KSR2: variants seen among roughly 807,000 people sequenced by gnomAD.
KSR2 encodes kinase suppressor of ras 2.
KSR2 carries 25 observed loss-of-function variants against 107.8 expected under a neutral mutation model. That is an observed-to-expected ratio of 0.23 (90% confidence interval 0.17 to 0.32). The LOEUF is 0.32. Among genes scored for constraint, KSR2 ranks in the 10% least tolerant of loss-of-function variants. KSR2 has a pLI of 1.00. For synonymous variants in KSR2, 480 were observed against 507.0 expected, an observed-to-expected ratio of 0.95 and a Z score of 0.71; for missense variants, 887 against 1,268.9, an observed-to-expected ratio of 0.70 and a Z score of 4.57.
chr12:117,519,136 G>A (rs1205810321), intron 14 of KSR2, among the ~76,000 whole-genome samples: 2 of 152,248 alleles, frequency 1.3e-5, no homozygotes, highest in Non-Finnish European at 2.9e-5. Context: ...TTAGTGGAAT[G>A]TGCTAGCACT....
At chr12:117,490,766 A>G (rs920057840) in intron 14 of KSR2, among the ~76,000 whole-genome samples, 2 of 152,204 alleles carry the variant, frequency 1.3e-5, no homozygotes, top group Non-Finnish European at 2.9e-5. Flanking sequence ...CTCATTTTAT[A>G]GATGACAAAA....
chr12:117,789,221 G>T (rs1346662183), intron 3 of KSR2, among the ~76,000 whole-genome samples: 1 of 152,194 alleles, frequency 6.6e-6, no homozygotes, highest in Non-Finnish European at 1.5e-5. Flanking sequence ...CCGTAAAATG[G>T]TAGGTGGATG....
Position 117,485,630 on chromosome 12 carries a change from T to TGACATCCAAAACGATTTTGGC in KSR2, c.2260_2280dup (p.Ala754_Val760dup). On this transcript the variant is annotated inframe_insertion, in exon 15 of 20. Coordinates refer to ENST00000339824, the MANE Select transcript of KSR2 (RefSeq NM_173598.6). ...TCTTGAGCAATCTGCCTGGTTTTGT[T>TGACATCCAAAACGATTTTGGC]GACATCCAAAACGATTTTGGCATCC... 6.2e-7 allele frequency: 1 copy of TGACATCCAAAACGATTTTGGC among 1,613,656 alleles called. No individual in the cohort carries two copies. Among genetic ancestry groups the TGACATCCAAAACGATTTTGGC allele is most frequent in the Non-Finnish European group, 8.5e-7 (1 of 1,179,634 alleles).
intron 3 of KSR2, among the ~76,000 whole-genome samples, chr12:117,764,822 G>C (rs1196257510): frequency 6.6e-6 from 1 of 152,064 alleles, no homozygotes; most frequent in East Asian, 1.9e-4. Flanking sequence ...TGTGCAATGG[G>C]ACAATAAGAA....
At chr12:117,489,320 C>T (rs1377851438) in intron 14 of KSR2, among the ~76,000 whole-genome samples, 1 of 151,876 alleles carries the variant, frequency 6.6e-6, no homozygotes, top group Non-Finnish European at 1.5e-5. Context: ...GTACGTTATC[C>T]TTCCAAAAAA....
At chr12:117,866,605 G>A (rs888488071) in intron 1 of KSR2, among the ~76,000 whole-genome samples, 1 of 152,160 alleles carries the variant, frequency 6.6e-6, no homozygotes, top group Non-Finnish European at 1.5e-5. Context: ...CGAGGCTGGT[G>A]GACCACCTGA....
At chr12:117,960,749 C>G (rs1896637154) in intron 1 of KSR2, among the ~76,000 whole-genome samples, 1 of 151,460 alleles carries the variant, frequency 6.6e-6, no homozygotes, top group African/African-American at 2.4e-5. Flanking sequence ...GACAGCTTAT[C>G]ATTAGCTGTG....
chr12:117,618,620 G>A (rs1479776241), intron 5 of KSR2, among the ~76,000 whole-genome samples: 1 of 152,008 alleles, frequency 6.6e-6, no homozygotes, highest in African/African-American at 2.4e-5. Flanking sequence ...CATGGGGTTG[G>A]CTTCCCCCAT....
At chr12:117,735,863 A>G (rs1270872913) in intron 4 of KSR2, among the ~76,000 whole-genome samples, 2 of 152,314 alleles carry the variant, frequency 1.3e-5, no homozygotes, top group East Asian at 3.9e-4. Context: ...CCATTAAGAG[A>G]AAAACTATTT....
At position 117,762,496 on chromosome 12, in the gene KSR2, C is replaced by T. The variant is rs868645968; in HGVS notation, c.473-972G>A. On this transcript the variant is annotated intron_variant, in intron 3 of 19. Coordinates refer to ENST00000339824, the MANE Select transcript of KSR2 (RefSeq NM_173598.6). ...ATTCTGCCAAAGCAGCCATGATAGACAAGAAAACATGCTCACAGAAGGATT... is the reference window on the plus strand; with the variant it reads ...ATTCTGCCAAAGCAGCCATGATAGATAAGAAAACATGCTCACAGAAGGATT... Among the ~76,000 whole-genome samples, 2 of 152,180 alleles carry T rather than the reference C, an allele frequency of 1.3e-5. 1 individual carries two copies. The highest frequency in any genetic ancestry group is 4.8e-5 in the African/African-American group (2 of 41,436).
chr12:117,773,206 G>A (rs1889567694), intron 3 of KSR2, among the ~76,000 whole-genome samples: 1 of 152,170 alleles, frequency 6.6e-6, no homozygotes, highest in South Asian at 2.1e-4. Context: ...GGGGCTCTGG[G>A]GGTTATTAAT....
At chr12:117,776,083 A>T (rs1354463947) in intron 3 of KSR2, among the ~76,000 whole-genome samples, 1 of 150,332 alleles carries the variant, frequency 6.7e-6, no homozygotes, top group Non-Finnish European at 1.5e-5. Context: ...AACTATGGAA[A>T]TAAAAATTAA....
chr12:117,533,436 G>T (rs1270168266), intron 10 of KSR2, among the ~76,000 whole-genome samples: 3 of 152,202 alleles, frequency 2.0e-5, no homozygotes, highest in Non-Finnish European at 2.9e-5. Flanking sequence ...CTTGGGCTTA[G>T]TCCAATTCCA....
At chr12:117,772,327 C>G (rs1889514590) in intron 3 of KSR2, among the ~76,000 whole-genome samples, 1 of 143,812 alleles carries the variant, frequency 7.0e-6, no homozygotes, top group African/African-American at 2.6e-5. Flanking sequence ...CAAACACACA[C>G]TCACACATAC....
chr12:117,771,810 C>A (rs992658869), intron 3 of KSR2, among the ~76,000 whole-genome samples: 2 of 152,074 alleles, frequency 1.3e-5, no homozygotes, highest in South Asian at 2.1e-4. Flanking sequence ...CTGGGACCCA[C>A]CCCTCCCCGT....
intron 3 of KSR2, among the ~76,000 whole-genome samples, chr12:117,764,587 T>C (rs1889159948): frequency 6.6e-6 from 1 of 152,176 alleles, no homozygotes; most frequent in South Asian, 2.1e-4. Context: ...CAAAGGCTCA[T>C]TTCTCAAAAT....
At chr12:117,549,911 G>T (rs1056804327) in intron 9 of KSR2, among the ~76,000 whole-genome samples, 2 of 152,168 alleles carry the variant, frequency 1.3e-5, no homozygotes, top group African/African-American at 4.8e-5. Context: ...TCATTAATAC[G>T]TATGGTACTC....
chr12:117,937,584 A>T (rs1056454186), intron 1 of KSR2, among the ~76,000 whole-genome samples: 8 of 152,196 alleles, frequency 5.3e-5, no homozygotes, highest in Admixed American at 4.6e-4. Context: ...ATTTTCCTAT[A>T]ATAAGGAGAT....
At position 117,467,177 on chromosome 12, in the gene KSR2, G is replaced by A. The variant is rs753538062; in HGVS notation, c.*22C>T. 2.8e-6 allele frequency: 2 copies of A among 714,458 alleles called. No individual in the cohort carries two copies. Among genetic ancestry groups the A allele is most frequent in the Admixed American group, 2.1e-5 (1 of 48,010 alleles). The allele number at this position is 714,458 out of a possible 1,614,324, so 44.3% of individuals were successfully genotyped here. A position where few individuals can be genotyped will look rare whatever the true frequency, so the allele number is the denominator to read the frequency against. ...AGGTGACGGGAGCCCAGGCAGCTGG[G>A]CGCCGTCCCGATGTCCAAAGGTCAC... On this transcript the variant is annotated 3_prime_UTR_variant, in exon 20 of 20. Coordinates refer to ENST00000339824, the MANE Select transcript of KSR2 (RefSeq NM_173598.6).
Sources: allele counts gnomAD v4.1 joint callset (sites outside exome capture counted in the v4.1 genomes callset), GRCh38; gene constraint gnomAD v4.1.1; transcripts MANE v1.5; gene names NCBI Gene and HGNC (gene_info 2026-07-23, HGNC 2026-07-21).